CCDC192: variants seen among roughly 807,000 people sequenced by gnomAD.
CCDC192 encodes the protein coiled-coil domain containing 192.
intron 5 of CCDC192, among the ~76,000 whole-genome samples, chr5:127,807,128 T>C (rs1757832042): frequency 6.6e-6 from 1 of 152,190 alleles, no homozygotes; most frequent in Admixed American, 6.6e-5. Flanking sequence ...ATAATTCACA[T>C]GAAGTGGTTA....
chr5:127,704,941 G>T (rs1004520318), intron 1 of CCDC192, among the ~76,000 whole-genome samples: 1 of 151,948 alleles, frequency 6.6e-6, no homozygotes, highest in African/African-American at 2.4e-5. Context: ...CATGAAGAAT[G>T]AAGTAAAAAG....
rs1478319210 is a variant in CCDC192 at position 127,775,586 on chromosome 5, C to T, written c.222+21211C>T. ...ATCTCCTGATTTCTTAGCGTCATCACACCTGAATAATAATAAAGCCTACAC... is the reference window on the plus strand; with the variant it reads ...ATCTCCTGATTTCTTAGCGTCATCATACCTGAATAATAATAAAGCCTACAC... On this transcript the variant is annotated intron_variant, in intron 3 of 6. Coordinates refer to ENST00000514853, the MANE Select transcript of CCDC192 (RefSeq NM_001317938.2). Among the ~76,000 whole-genome samples, 6 of 152,294 alleles carry T rather than the reference C, an allele frequency of 3.9e-5. 1 individual carries two copies. The highest frequency in any genetic ancestry group is 3.4e-3 in the Middle Eastern group (1 of 294).
chr5:127,714,572 T>A (rs908531895), intron 2 of CCDC192, among the ~76,000 whole-genome samples: 5 of 152,172 alleles, frequency 3.3e-5, no homozygotes, highest in African/African-American at 1.2e-4. Flanking sequence ...TACTTTTTTT[T>A]AAGTAGAGAT....
At chr5:127,709,154 AGAGAGAGG>A (rs1178751093) in intron 2 of CCDC192, among the ~76,000 whole-genome samples, 7 of 119,672 alleles carry the variant, frequency 5.8e-5, no homozygotes, top group Non-Finnish European at 1.0e-4. Flanking sequence ...GAAAGAAGAG[AGAGAGAGG>A]GGGAGAGGGG....
At chr5:127,922,704 C>T (rs894089252) in intron 6 of CCDC192, among the ~76,000 whole-genome samples, 4 of 152,194 alleles carry the variant, frequency 2.6e-5, no homozygotes, top group Non-Finnish European at 5.9e-5. Flanking sequence ...TCACACATCA[C>T]ACTACTGCAC....
chr5:127,941,381 G>A lies in CCDC192; in HGVS notation c.735G>A (p.Glu245=), dbSNP rs552070262. ...EAERSPHPPQ[E]VKDPPGCLPE... ...AGCGGAGTCCCCATCCTCCCCAAGA[G>A]GTCAAGGACCCTCCAGGATGTTTAC... Residue 245 remains glutamate (E), a synonymous_variant, in exon 7 of 7, where the codon GAG becomes GAA. Coordinates refer to ENST00000514853, the MANE Select transcript of CCDC192 (RefSeq NM_001317938.2). 21 of 398,944 alleles carry A rather than the reference G, an allele frequency of 5.3e-5. No homozygotes were observed. In the Admixed American group the frequency reaches 7.9e-4, roughly 15 times the overall value. The allele number at this position is 398,944 out of a possible 1,614,324, so 24.7% of individuals were successfully genotyped here. A position where few individuals can be genotyped will look rare whatever the true frequency, so the allele number is the denominator to read the frequency against.
upstream of CCDC192, among the ~76,000 whole-genome samples, chr5:127,702,478 G>A (rs974977110): frequency 3.9e-5 from 6 of 152,168 alleles, no homozygotes; most frequent in African/African-American, 1.4e-4. Context: ...GTCACTTGAA[G>A]TTTTGTTGAA....
chr5:127,702,872 A>C (rs1345257882), upstream of CCDC192, among the ~76,000 whole-genome samples: 4 of 152,366 alleles, frequency 2.6e-5, no homozygotes, highest in Non-Finnish European at 1.5e-5. Flanking sequence ...CAGCAGTTGC[A>C]GGTGAACAGT....
intron 3 of CCDC192, chr5:127,785,274 G>C: frequency 2.0e-6 from 1 of 498,228 alleles, no homozygotes; most frequent in Non-Finnish European, 4.0e-6. Flanking sequence ...CCAACCCTAG[G>C]GGAAGGCAAA....
At chr5:127,712,109 C>CT (rs1286882517) in intron 2 of CCDC192, among the ~76,000 whole-genome samples, 1 of 152,088 alleles carries the variant, frequency 6.6e-6, no homozygotes, top group Non-Finnish European at 1.5e-5. Context: ...AGAATGTACC[C>CT]TTTTTTACTG....
chr5:127,797,000 A>C (rs750167258), intron 3 of CCDC192, 103 bp from the exon 4 acceptor site: 6 of 381,842 alleles, frequency 1.6e-5, no homozygotes, highest in Non-Finnish European at 2.8e-5. Context: ...TTTCATATTT[A>C]GTAGATACTG....
chr5:127,872,637 T>C (rs1751909951), intron 5 of CCDC192, among the ~76,000 whole-genome samples: 1 of 152,154 alleles, frequency 6.6e-6, no homozygotes, highest in Non-Finnish European at 1.5e-5. Context: ...CCAGGATGCA[T>C]CCTATCCTGT....
rs566752171 is a variant in CCDC192, at chr5:127,912,214, G to A, written c.536-28968G>A. ...TAAAGTGCTGGGATTACAGGCGTGA[G>A]CAACTGCTCCCGTCCCAAAAAAAAT... On this transcript the variant is annotated intron_variant, in intron 6 of 6. Transcript: ENST00000514853. Among the ~76,000 whole-genome samples the A allele has an allele frequency of 8.6e-5, 13 of 151,642 alleles. No individual in the cohort carries two copies. The South Asian group carries it at 2.5e-3, about 29-fold the overall frequency.
At chr5:127,738,975 A>T (rs200934514) in intron 2 of CCDC192, among the ~76,000 whole-genome samples, 11 of 151,466 alleles carry the variant, frequency 7.3e-5, no homozygotes, top group African/African-American at 2.7e-4. Flanking sequence ...CTGGTGAGGA[A>T]CTGTGTTCCT....
chr5:127,742,394 G>A (rs983775824), intron 2 of CCDC192, among the ~76,000 whole-genome samples: 6 of 152,020 alleles, frequency 3.9e-5, no homozygotes, highest in African/African-American at 1.4e-4. Context: ...CTTTCACAGG[G>A]TGAAAGGTTG....
intron 5 of CCDC192, among the ~76,000 whole-genome samples, chr5:127,803,339 A>G (rs1172500974): frequency 1.3e-5 from 2 of 152,188 alleles, no homozygotes; most frequent in Admixed American, 1.3e-4. Context: ...TACCCCTCCC[A>G]GTGCACATGT....
chr5:127,914,130 G>A (rs1429178989), intron 6 of CCDC192, among the ~76,000 whole-genome samples: 1 of 152,210 alleles, frequency 6.6e-6, no homozygotes, highest in Non-Finnish European at 1.5e-5. Flanking sequence ...GACTGATCTA[G>A]TGATAATGAA....
At chr5:127,927,600 A>G (rs1461135818) in intron 6 of CCDC192, among the ~76,000 whole-genome samples, 1 of 152,240 alleles carries the variant, frequency 6.6e-6, no homozygotes, top group African/African-American at 2.4e-5. Flanking sequence ...GTAGCAATTA[A>G]ATGTTTAAAT....
At chr5:127,765,502 C>T in intron 3 of CCDC192, among the ~76,000 whole-genome samples, 1 of 151,964 alleles carries the variant, frequency 6.6e-6, no homozygotes, top group East Asian at 1.9e-4. Flanking sequence ...TAGATATAGC[C>T]CACATTAACA....
Sources: gnomAD v4.1 joint callset for allele counts (sites outside exome capture counted in the v4.1 genomes callset) on GRCh38, gnomAD v4.1.1 for gene constraint, MANE v1.5 for transcripts, NCBI Gene and HGNC (gene_info 2026-07-23, HGNC 2026-07-21) for gene names.